The following TBL1XR1 variants were observed in gnomAD, a reference collection of about 807,000 sequenced individuals.
The protein encoded by TBL1XR1 is F-box-like/WD repeat-containing protein TBL1XR1.
Under a neutral mutation model 66.9 loss-of-function variants are expected in TBL1XR1, and 5 were observed. That is an observed-to-expected ratio of 0.07 (90% CI 0.04 to 0.16). The LOEUF is 0.16. Among genes scored for constraint, TBL1XR1 ranks in the 10% least tolerant of loss-of-function variants. The pLI is 1.00. For missense variants in TBL1XR1, 238 were observed against 623.2 expected (o/e 0.38, Z 6.58); for synonymous variants, 210 against 206.0 (o/e 1.02, Z -0.17).
At chr3:177,089,208 A>C (rs947798282) in intron 2 of TBL1XR1, among the ~76,000 whole-genome samples, 1 of 152,212 alleles carries the variant, frequency 6.6e-6, no homozygotes, top group Non-Finnish European at 1.5e-5. Flanking sequence ...TGTACCTGTC[A>C]GTAGACCAGA....
intron 12 of TBL1XR1, among the ~76,000 whole-genome samples, chr3:177,036,398 C>T (rs1576989048): frequency 6.6e-6 from 1 of 152,194 alleles, no homozygotes; most frequent in African/African-American, 2.4e-5. Context: ...CAGAAAACGG[C>T]CCATTACACA....
At chr3:177,153,008 G>C (rs1176857453) in intron 1 of TBL1XR1, among the ~76,000 whole-genome samples, 1 of 152,146 alleles carries the variant, frequency 6.6e-6, no homozygotes, top group South Asian at 2.1e-4. Flanking sequence ...GGGCGTGGTG[G>C]CGTGCACCTG....
intron 1 of TBL1XR1, among the ~76,000 whole-genome samples, chr3:177,117,064 T>C (rs938499113): frequency 6.6e-6 from 1 of 152,212 alleles, no homozygotes; most frequent in African/African-American, 2.4e-5. Context: ...GGGGTAACGA[T>C]TCTAGAATAA....
chr3:177,046,280 G>T, intron 9 of TBL1XR1, 91 bp from the exon 10 acceptor site: 1 of 895,970 alleles, frequency 1.1e-6, no homozygotes, highest in Non-Finnish European at 1.7e-6. Context: ...ACAGCAATAT[G>T]AAATGTCAGA....
chr3:177,026,332 A>G (rs1229668110), intron 15 of TBL1XR1, 41 bp downstream of exon 15: 1 of 1,461,986 alleles, frequency 6.8e-7, no homozygotes, highest in Non-Finnish European at 9.5e-7. Flanking sequence ...TGATGTGAAT[A>G]CCCACCCACA....
At chr3:177,180,601 T>C (rs1377579578) in intron 1 of TBL1XR1, among the ~76,000 whole-genome samples, 3 of 152,310 alleles carry the variant, frequency 2.0e-5, no homozygotes, top group East Asian at 3.9e-4. Context: ...CAGTAAATTC[T>C]GGTTTCTAGA....
chr3:177,183,713 C>G (rs1421725923), intron 1 of TBL1XR1, among the ~76,000 whole-genome samples: 2 of 152,078 alleles, frequency 1.3e-5, no homozygotes, highest in Non-Finnish European at 2.9e-5. Context: ...GATCCACCCA[C>G]CTCAGCCTCC....
intron 1 of TBL1XR1, among the ~76,000 whole-genome samples, chr3:177,145,168 T>C (rs546583619): frequency 4.0e-5 from 6 of 151,552 alleles, no homozygotes; most frequent in African/African-American, 1.5e-4. Flanking sequence ...AACCGTAACA[T>C]AAAGACATTC....
intron 1 of TBL1XR1, among the ~76,000 whole-genome samples, chr3:177,133,726 A>C (rs533970813): frequency 6.6e-6 from 1 of 151,762 alleles, no homozygotes; most frequent in East Asian, 2.0e-4. Context: ...ACATGGTGAA[A>C]CCCCATCTCT....
At chr3:177,094,378 T>C (rs1167522859) in intron 2 of TBL1XR1, among the ~76,000 whole-genome samples, 2 of 152,198 alleles carry the variant, frequency 1.3e-5, no homozygotes, top group African/African-American at 2.4e-5. Context: ...CTGGTGGGAA[T>C]GTAAACTAGT....
chr3:177,062,882 C>T (rs1371673897), intron 3 of TBL1XR1, among the ~76,000 whole-genome samples: 1 of 151,982 alleles, frequency 6.6e-6, no homozygotes, highest in African/African-American at 2.4e-5. Context: ...TGCCTGTAAT[C>T]CCAGCACTTT....
At chr3:177,136,291 A>G (rs1728989026) in intron 1 of TBL1XR1, 2 of 151,944 alleles carry the variant, frequency 1.3e-5, no homozygotes, top group Admixed American at 1.3e-4. Flanking sequence ...CATACCTCTC[A>G]ATTTTTTTTT....
At chr3:177,134,295 G>C (rs1040835386) in intron 1 of TBL1XR1, among the ~76,000 whole-genome samples, 4 of 152,124 alleles carry the variant, frequency 2.6e-5, no homozygotes, top group African/African-American at 9.7e-5. Context: ...GGAACCAAGA[G>C]TATGAAAGAG....
chr3:177,152,283 A>G (rs1417077938), intron 1 of TBL1XR1, among the ~76,000 whole-genome samples: 2 of 151,974 alleles, frequency 1.3e-5, no homozygotes, highest in Admixed American at 1.3e-4. Context: ...CTATCTTCTC[A>G]TTAATTTCCC....
chr3:177,169,860 C>T (rs777704711), intron 1 of TBL1XR1, among the ~76,000 whole-genome samples: 7 of 152,156 alleles, frequency 4.6e-5, no homozygotes, highest in Non-Finnish European at 1.0e-4. Context: ...TAATTCACTC[C>T]CTTTATCCCA....
intron 1 of TBL1XR1, among the ~76,000 whole-genome samples, chr3:177,114,572 A>G (rs1451773648): frequency 1.3e-5 from 2 of 152,046 alleles, no homozygotes; most frequent in African/African-American, 4.8e-5. Flanking sequence ...AAGTGCTGGG[A>G]TTACGGCATG....
At chr3:177,107,277 G>A (rs776532412) in intron 1 of TBL1XR1, among the ~76,000 whole-genome samples, 2 of 152,070 alleles carry the variant, frequency 1.3e-5, no homozygotes, top group African/African-American at 2.4e-5. Flanking sequence ...TCAAAGAGTC[G>A]CTCTTATGTG....
intron 1 of TBL1XR1, among the ~76,000 whole-genome samples, chr3:177,181,810 G>A (rs1214711521): frequency 1.5e-5 from 2 of 132,748 alleles, no homozygotes; most frequent in Non-Finnish European, 3.3e-5. Context: ...TAAACGTAAG[G>A]GTTCAAGTTA....
At chr3:177,068,951 TA>T (rs888456086) in intron 2 of TBL1XR1, among the ~76,000 whole-genome samples, 2 of 152,266 alleles carry the variant, frequency 1.3e-5, no homozygotes, top group Non-Finnish European at 2.9e-5. Flanking sequence ...AGTCCAAAAC[TA>T]AAGTATAATT....
Sources: gnomAD v4.1 joint callset for allele counts (sites outside exome capture counted in the v4.1 genomes callset) on GRCh38, gnomAD v4.1.1 for gene constraint, MANE v1.5 for transcripts, NCBI Gene and HGNC (gene_info 2026-07-23, HGNC 2026-07-21) for gene names.